CSMD1: variants seen among roughly 807,000 people sequenced by gnomAD.
The protein encoded by CSMD1 is CUB and sushi domain-containing protein 1.
Under a neutral mutation model 417.5 loss-of-function variants are expected in CSMD1, and 213 were observed. That is an observed-to-expected ratio of 0.51 (90% CI 0.46 to 0.57). CSMD1 has a LOEUF of 0.57. CSMD1 is among the 20% of genes least tolerant of loss of function. The pLI, the probability that CSMD1 is intolerant of heterozygous loss-of-function variation, is 0.00. For missense variants in CSMD1, 6,923 were observed against 4,529.7 expected (o/e 1.53, Z -15.17); for synonymous variants, 2,862 against 1,736.8 (o/e 1.65, Z -16.11).
rs575209167 is a variant in CSMD1, at chr8:3,508,086, C to G, written c.1345-14360G>C. On this transcript the variant is annotated intron_variant, in intron 10 of 69. Transcript: ENST00000635120. ...TTTAGACATGAGGTCCTTGCCCATGCCTATGTCCTGAATGGTATTGCCTAG... is the reference window on the plus strand; with the variant it reads ...TTTAGACATGAGGTCCTTGCCCATGGCTATGTCCTGAATGGTATTGCCTAG... 2.6e-5 allele frequency among the ~76,000 whole-genome samples: 4 copies of G among 152,234 alleles called. No individual in the cohort carries two copies. The East Asian group carries it at 7.7e-4, about 29-fold the overall frequency.
chr8:3,523,736 GAC>G (rs1233520515), intron 10 of CSMD1, among the ~76,000 whole-genome samples: 4 of 144,642 alleles, frequency 2.8e-5, no homozygotes, highest in East Asian at 4.1e-4. Context: ...CACACTCAGA[GAC>G]ACATGCATAC....
At chr8:3,983,894 G>T (rs948388008) in intron 5 of CSMD1, among the ~76,000 whole-genome samples, 20 of 151,914 alleles carry the variant, frequency 1.3e-4, no homozygotes, top group African/African-American at 4.6e-4. Flanking sequence ...ACTGTCAATT[G>T]CAGTTCTAGA....
intron 3 of CSMD1, among the ~76,000 whole-genome samples, chr8:4,074,126 G>C (rs1799700984): frequency 6.6e-6 from 1 of 151,980 alleles, no homozygotes; most frequent in Non-Finnish European, 1.5e-5. Context: ...GTTTTAAGTT[G>C]ATCATGCTCT....
intron 5 of CSMD1, among the ~76,000 whole-genome samples, chr8:3,868,556 C>G (rs148793662): frequency 6.6e-5 from 10 of 152,298 alleles, no homozygotes; most frequent in African/African-American, 2.2e-4. Flanking sequence ...GAACCCTGTT[C>G]TGAAATGTGG....
intron 2 of CSMD1, among the ~76,000 whole-genome samples, chr8:4,432,337 C>T (rs1797918343): frequency 2.0e-5 from 3 of 152,150 alleles, no homozygotes; most frequent in Non-Finnish European, 4.4e-5. Flanking sequence ...ACTCAAAGGA[C>T]TGCTTGTAGA....
chr8:2,952,876 A>G (rs919759324), intron 65 of CSMD1, among the ~76,000 whole-genome samples: 8 of 152,124 alleles, frequency 5.3e-5, no homozygotes, highest in African/African-American at 1.9e-4. Context: ...CATGTGGCAG[A>G]GGTCATCTTT....
At chr8:4,445,023 C>T (rs556275925) in intron 2 of CSMD1, among the ~76,000 whole-genome samples, 11 of 152,252 alleles carry the variant, frequency 7.2e-5, no homozygotes, top group African/African-American at 2.6e-4. Context: ...AAAATGAAAA[C>T]CTATACCCAT....
intron 3 of CSMD1, among the ~76,000 whole-genome samples, chr8:4,336,700 G>A (rs1800194596): frequency 6.6e-6 from 1 of 152,122 alleles, no homozygotes; most frequent in African/African-American, 2.4e-5. Context: ...AAGTAGAGAT[G>A]AGGCTGTGTA....
intron 3 of CSMD1, among the ~76,000 whole-genome samples, chr8:4,098,591 C>T (rs1205367910): frequency 1.3e-5 from 2 of 152,028 alleles, no homozygotes; most frequent in Non-Finnish European, 1.5e-5. Context: ...GAACTCAACA[C>T]CCTCTCTAAG....
At chr8:4,453,693 G>C (rs1458863586) in intron 2 of CSMD1, among the ~76,000 whole-genome samples, 2 of 151,958 alleles carry the variant, frequency 1.3e-5, no homozygotes, top group Non-Finnish European at 2.9e-5. Context: ...GACCATGCCT[G>C]CTTGGGTATG....
chr8:4,469,725 C>G (rs1424764012), intron 2 of CSMD1, among the ~76,000 whole-genome samples: 1 of 152,066 alleles, frequency 6.6e-6, no homozygotes, highest in Non-Finnish European at 1.5e-5. Context: ...CCTTGTCCCT[C>G]TACATCTCTG....
At chr8:3,092,288 G>C (rs1221779700) in intron 47 of CSMD1, among the ~76,000 whole-genome samples, 1 of 151,766 alleles carries the variant, frequency 6.6e-6, no homozygotes, top group Non-Finnish European at 1.5e-5. Context: ...ATCCACATAG[G>C]TAATTCTTAA....
At chr8:4,632,614 C>T (rs895492517) in intron 2 of CSMD1, among the ~76,000 whole-genome samples, 4 of 152,128 alleles carry the variant, frequency 2.6e-5, no homozygotes, top group African/African-American at 7.2e-5. Flanking sequence ...TTCTATTAGA[C>T]ATCTGAATGT....
intron 5 of CSMD1, among the ~76,000 whole-genome samples, chr8:3,833,758 G>T (rs1802503964): frequency 6.6e-6 from 1 of 152,140 alleles, no homozygotes; most frequent in South Asian, 2.1e-4. Flanking sequence ...TTTAAAATGT[G>T]GCCCTGGTTC....
At chr8:4,157,048 G>C (rs559311742) in intron 3 of CSMD1, among the ~76,000 whole-genome samples, 1 of 152,148 alleles carries the variant, frequency 6.6e-6, no homozygotes, top group Non-Finnish European at 1.5e-5. Flanking sequence ...CACACAAGGA[G>C]CCTGTAGACC....
At chr8:4,790,962 A>G (rs778728165) in intron 1 of CSMD1, among the ~76,000 whole-genome samples, 3 of 152,246 alleles carry the variant, frequency 2.0e-5, no homozygotes, top group African/African-American at 4.8e-5. Flanking sequence ...CAACTAAGAC[A>G]AAAGTAAAAA....
intron 3 of CSMD1, among the ~76,000 whole-genome samples, chr8:4,393,804 G>A (rs1804022153): frequency 6.6e-6 from 1 of 152,116 alleles, no homozygotes; most frequent in African/African-American, 2.4e-5. Context: ...ATCTTTATAT[G>A]CCATATTTTC....
intron 3 of CSMD1, among the ~76,000 whole-genome samples, chr8:4,360,644 C>G (rs113749757): frequency 1.3e-5 from 2 of 152,068 alleles, no homozygotes; most frequent in African/African-American, 4.8e-5. Flanking sequence ...CTGCCCGCCA[C>G]CACACCTGGC....
chr8:3,233,806 C>G (rs904530079), intron 26 of CSMD1, among the ~76,000 whole-genome samples: 1 of 152,170 alleles, frequency 6.6e-6, no homozygotes, highest in Non-Finnish European at 1.5e-5. Flanking sequence ...GTACACCCAT[C>G]CAGAGGAGAG....
Sources: allele counts gnomAD v4.1 joint callset (sites outside exome capture counted in the v4.1 genomes callset), GRCh38; gene constraint gnomAD v4.1.1; transcripts MANE v1.5; gene names NCBI Gene and HGNC (gene_info 2026-07-23, HGNC 2026-07-21).